Variants in TGFBR3 observed in about 807,000 individuals in gnomAD.
TGFBR3 encodes transforming growth factor beta receptor 3, also known as transforming growth factor beta receptor type 3.
TGFBR3 carries 46 observed loss-of-function variants against 87.9 expected under a neutral mutation model. That is an observed-to-expected ratio of 0.52 (90% CI 0.41 to 0.67). TGFBR3 has a LOEUF of 0.67. Ranked by LOEUF, TGFBR3 falls within the 30% of genes least tolerant of loss-of-function variation. TGFBR3 has a pLI of 0.00. For missense variants in TGFBR3, 866 were observed against 1,041.9 expected (o/e 0.83, Z 2.32); for synonymous variants, 381 against 391.6 (o/e 0.97, Z 0.32).
intron 8 of TGFBR3, among the ~76,000 whole-genome samples, 197 bp downstream of exon 8, chr1:91,721,758 T>C (rs1397541515): frequency 6.6e-6 from 1 of 152,194 alleles, no homozygotes; most frequent in Admixed American, 6.5e-5. Flanking sequence ...CATTCAACTC[T>C]ATGTCACTGA....
In TGFBR3 at chr1:91,732,861, T is replaced by TA. The variant is rs567172430; in HGVS notation, c.568+1914dup. On this transcript the variant is annotated intron_variant, in intron 5 of 16. Transcript: ENST00000212355. The stretch of plus-strand genomic sequence containing the variant: ...ACCCGTGGCTCTCAGGGTAAGTGAC[T>TA]ACTGTGCTTAGAAAGAAGCTCATGC... Among the ~76,000 whole-genome samples, 574 of 152,316 alleles carry TA rather than the reference T, an allele frequency of 3.8e-3. 3 individuals carry two copies. Among genetic ancestry groups the TA allele is most frequent in the African/African-American group, 0.012 (509 of 41,568 alleles).
intron 3 of TGFBR3, among the ~76,000 whole-genome samples, chr1:91,773,656 T>G (rs1213213036): frequency 6.6e-6 from 1 of 152,248 alleles, no homozygotes; most frequent in African/African-American, 2.4e-5. Flanking sequence ...CACTCCAGTC[T>G]GGGCAACAGA....
chr1:91,821,462 A>G (rs1432617468), intron 2 of TGFBR3, among the ~76,000 whole-genome samples: 1 of 152,192 alleles, frequency 6.6e-6, no homozygotes, highest in Non-Finnish European at 1.5e-5. Flanking sequence ...ATTTAAAAAT[A>G]TGCTCTACTT....
intron 2 of TGFBR3, among the ~76,000 whole-genome samples, chr1:91,824,492 A>T (rs1253772833): frequency 1.3e-5 from 2 of 152,216 alleles, no homozygotes; most frequent in African/African-American, 4.8e-5. Flanking sequence ...CACACCTAAG[A>T]AAGAGCATCT....
chr1:91,819,184 A>G (rs1676354438), intron 2 of TGFBR3, among the ~76,000 whole-genome samples: 1 of 152,172 alleles, frequency 6.6e-6, no homozygotes, highest in Admixed American at 6.5e-5. Flanking sequence ...CCTGGCCAAC[A>G]TGGTGAAACC....
intron 1 of TGFBR3, among the ~76,000 whole-genome samples, chr1:91,869,206 T>C (rs1279884625): frequency 6.6e-6 from 1 of 152,150 alleles, no homozygotes; most frequent in African/African-American, 2.4e-5. Context: ...GTACAACCCT[T>C]CAGGTTGTAA....
Position 91,886,109 on chromosome 1 carries a change from G to A in TGFBR3, c.-345C>T. The A allele has an allele frequency of 2.2e-6, 1 of 454,098 alleles. No homozygotes were observed. Among genetic ancestry groups the A allele is most frequent in the Non-Finnish European group, 4.4e-6 (1 of 226,772 alleles). 28.1% of individuals were successfully genotyped at this position (454,098 alleles called of 1,614,324 possible). ...CGCCGACTGCCCTCCTTCACTCGCT[G>A]GGAAGAGGAAAGTGCCGCTCGGCGT... On this transcript the variant is annotated 5_prime_UTR_variant, in exon 1 of 17. Transcript: ENST00000212355.
chr1:91,683,828 T>C lies in TGFBR3; in HGVS notation c.2467A>G (p.Thr823Ala). The C allele has an allele frequency of 6.2e-7, 1 of 1,600,270 alleles. No individual in the cohort carries two copies. Residue 823 changes from threonine (T) to alanine (A), a missense_variant, in exon 17 of 17, where the codon ACC (threonine) becomes GCC (alanine). Coordinates refer to ENST00000212355, the MANE Select transcript of TGFBR3 (RefSeq NM_003243.5). ...CTGTTTTCCGAGGCTGGCGGGGAGG[T>C]GGGGACTTGCTGCCTTCCTGCTGTC... ...GETAGRQQVP[T>A]SPPASENSSA...
At chr1:91,718,326 A>T (rs1267314456) in intron 10 of TGFBR3, among the ~76,000 whole-genome samples, 1 of 152,174 alleles carries the variant, frequency 6.6e-6, no homozygotes, top group Non-Finnish European at 1.5e-5. Flanking sequence ...GCTTGGGTTC[A>T]TGGGAGAGTC....
chr1:91,860,120 T>G (rs1187779222), intron 2 of TGFBR3, among the ~76,000 whole-genome samples: 2 of 152,182 alleles, frequency 1.3e-5, no homozygotes, highest in Admixed American at 6.5e-5. Flanking sequence ...AATCTGGCTC[T>G]TCCACTTTCC....
At chr1:91,701,735 C>T (rs1671625408) in intron 14 of TGFBR3, among the ~76,000 whole-genome samples, 1 of 151,912 alleles carries the variant, frequency 6.6e-6, no homozygotes, top group South Asian at 2.1e-4. Context: ...CGGAGTGGGC[C>T]CACAGTGAAA....
chr1:91,729,766 T>G, intron 6 of TGFBR3, 39 bp downstream of exon 6: 1 of 1,612,790 alleles, frequency 6.2e-7, no homozygotes, highest in Non-Finnish European at 8.5e-7. Flanking sequence ...GATCTTTACT[T>G]TCATCTCTTG....
intron 2 of TGFBR3, among the ~76,000 whole-genome samples, chr1:91,838,320 T>C (rs946143160): frequency 1.3e-5 from 2 of 152,270 alleles, no homozygotes; most frequent in South Asian, 4.2e-4. Context: ...CTGAGGAAAT[T>C]TTTAAATATT....
intron 1 of TGFBR3, among the ~76,000 whole-genome samples, chr1:91,901,672 T>TGGGAGACAGAGGTGGGAGGATAGC (rs542349846): frequency 2.2e-4 from 33 of 152,006 alleles, no homozygotes; most frequent in African/African-American, 6.5e-4. Context: ...CCCAGCACTT[T>TGGGAGACAGAGGTGGGAGGATAGC]GGGAGACAGA....
intron 5 of TGFBR3, among the ~76,000 whole-genome samples, chr1:91,732,285 T>A (rs762403440): frequency 2.0e-5 from 3 of 151,998 alleles, no homozygotes; most frequent in Non-Finnish European, 2.9e-5. Context: ...ATTCTTTCAT[T>A]CTGGGTATAT....
chr1:91,715,408 T>C (rs1672131048), intron 12 of TGFBR3, among the ~76,000 whole-genome samples: 1 of 152,198 alleles, frequency 6.6e-6, no homozygotes, highest in Non-Finnish European at 1.5e-5. Flanking sequence ...ACTCCACTAG[T>C]ACCAGCTGTG....
At chr1:91,767,928 G>A (rs1674235879) in intron 3 of TGFBR3, among the ~76,000 whole-genome samples, 2 of 151,354 alleles carry the variant, frequency 1.3e-5, no homozygotes, top group Non-Finnish European at 2.9e-5. Flanking sequence ...ATGACTTTGT[G>A]TTGGCCGGGT....
At chr1:91,885,099 A>G (rs113591199) in intron 1 of TGFBR3, among the ~76,000 whole-genome samples, 2,582 of 152,320 alleles carry the variant, frequency 0.017, 73 homozygotes, top group African/African-American at 0.059. Context: ...GGCAAGTACT[A>G]CTATCCTCAC....
At chr1:91,720,383 C>T (rs1408446598) in intron 8 of TGFBR3, among the ~76,000 whole-genome samples, 153 bp from the exon 9 acceptor site, 1 of 152,204 alleles carries the variant, frequency 6.6e-6, no homozygotes, top group African/African-American at 2.4e-5. Context: ...AGTCTAGAAG[C>T]CTGAATTCTA....
Sources: gnomAD v4.1 joint callset for allele counts (sites outside exome capture counted in the v4.1 genomes callset) on GRCh38, gnomAD v4.1.1 for gene constraint, MANE v1.5 for transcripts, NCBI Gene and HGNC (gene_info 2026-07-23, HGNC 2026-07-21) for gene names.